LPP: variants seen among roughly 807,000 people sequenced by gnomAD.
LPP encodes the protein lipoma-preferred partner.
A neutral mutation model predicts 60.4 loss-of-function variants in LPP; 38 were observed. The ratio of observed to expected loss-of-function variants is 0.63; its 90% confidence interval spans 0.49 to 0.83. The LOEUF (loss-of-function observed/expected upper bound fraction) is 0.83, where lower values mean the gene tolerates loss of function less well. Ranked by LOEUF, LPP falls within the 40% of genes least tolerant of loss-of-function variation. The pLI is 0.00. For synonymous variants in LPP, 328 were observed against 290.8 expected (o/e 1.13, Z -1.30); for missense variants, 902 against 783.6 (o/e 1.15, Z -1.80).
Position 188,828,614 on chromosome 3 carries a change from C to CAAAAAAAA in LPP, c.1411-37567_1411-37560dup, listed in dbSNP as rs71169022. Among the ~76,000 whole-genome samples, 177 of 31,334 alleles carry CAAAAAAAA rather than the reference C, an allele frequency of 5.6e-3. 42 individuals are homozygous for CAAAAAAAA. The highest frequency in any genetic ancestry group is 0.022 in the South Asian group (9 of 402). 20.6% of individuals were successfully genotyped at this position (31,334 alleles called of 152,430 possible). A position where few individuals can be genotyped will look rare whatever the true frequency, so the allele number is the denominator to read the frequency against. On this transcript the variant is annotated intron_variant, in intron 9 of 11. Transcript: ENST00000617246. Reference sequence around the variant, plus strand: ...TGGCAACAAGAGCGAAACTCTGTCTCAAAAAAAAAAAAAAAAAAAAAAAAA... The same window carrying CAAAAAAAA: ...TGGCAACAAGAGCGAAACTCTGTCTCAAAAAAAAAAAAAAAAAAAAAAAAAAAAAAAAA...
chr3:188,753,981 A>C, intron 8 of LPP, among the ~76,000 whole-genome samples: 1 of 152,344 alleles, frequency 6.6e-6, no homozygotes, highest in Non-Finnish European at 1.5e-5. Flanking sequence ...GTATTCACAG[A>C]GCTAAATGGC....
intron 4 of LPP, among the ~76,000 whole-genome samples, chr3:188,450,417 A>G (rs548286539): frequency 6.6e-6 from 1 of 152,294 alleles, no homozygotes; most frequent in African/African-American, 2.4e-5. Flanking sequence ...ATGTTAATTC[A>G]CATTTATCTA....
At chr3:188,424,439 CT>C (rs199986712) in intron 4 of LPP, among the ~76,000 whole-genome samples, 1 of 151,764 alleles carries the variant, frequency 6.6e-6, no homozygotes, top group African/African-American at 2.4e-5. Context: ...TCTATATGGG[CT>C]TTTTTTTGGT....
chr3:188,227,552 G>GA (rs1217979753), intron 2 of LPP, among the ~76,000 whole-genome samples: 2 of 152,064 alleles, frequency 1.3e-5, no homozygotes, highest in African/African-American at 4.8e-5. Flanking sequence ...ATGGCATCTA[G>GA]AACAAAGTGA....
intron 7 of LPP, among the ~76,000 whole-genome samples, chr3:188,638,133 G>A (rs573452640): frequency 0.024 from 3,212 of 134,596 alleles, 85 homozygotes; most frequent in Middle Eastern, 0.072. Flanking sequence ...CTGGCAAAAC[G>A]AATCCAGCAG....
At chr3:188,252,613 C>T (rs1483874624) in intron 2 of LPP, among the ~76,000 whole-genome samples, 1 of 151,984 alleles carries the variant, frequency 6.6e-6, no homozygotes, top group African/African-American at 2.4e-5. Flanking sequence ...TGAATTGTTG[C>T]CAATTTGATG....
At position 188,188,102 on chromosome 3, in the gene LPP, C is replaced by T. The variant is rs558943818; in HGVS notation, c.-190+33850C>T. On this transcript the variant is annotated intron_variant, in intron 1 of 11. Transcript: ENST00000617246. ...CTTTTGAACATTTTTATGCATAAAG[C>T]CTTTTCATTAAATTATTTTATATGA... 3.9e-5 allele frequency among the ~76,000 whole-genome samples: 6 copies of T among 152,224 alleles called. No homozygotes were observed. The South Asian group carries it at 6.2e-4, about 16-fold the overall frequency.
chr3:188,176,810 C>A (rs988274076), intron 1 of LPP, among the ~76,000 whole-genome samples: 1 of 152,134 alleles, frequency 6.6e-6, no homozygotes, highest in Admixed American at 6.5e-5. Flanking sequence ...TGGTCTGCAC[C>A]CTCTCATGCA....
intron 1 of LPP, among the ~76,000 whole-genome samples, chr3:188,204,982 A>C (rs527737656): frequency 1.2e-4 from 19 of 152,298 alleles, no homozygotes; most frequent in Admixed American, 1.2e-3. Flanking sequence ...GAACATGTTG[A>C]TAAGTGCCAG....
At chr3:188,196,254 C>T (rs1453376860) in intron 1 of LPP, among the ~76,000 whole-genome samples, 3 of 152,176 alleles carry the variant, frequency 2.0e-5, no homozygotes, top group African/African-American at 7.2e-5. Flanking sequence ...GTTTGGAACT[C>T]CTGAACTTCA....
intron 8 of LPP, 31 bp from the exon 9 acceptor site, chr3:188,760,082 G>A (rs1731678034): frequency 6.2e-7 from 1 of 1,610,252 alleles, no homozygotes; most frequent in Admixed American, 1.7e-5. Flanking sequence ...GTACTCCTTG[G>A]TGTGTTCTTA....
chr3:188,314,484 C>G (rs1754449991), intron 2 of LPP, among the ~76,000 whole-genome samples: 1 of 151,874 alleles, frequency 6.6e-6, no homozygotes, highest in African/African-American at 2.4e-5. Context: ...AAATAATTAT[C>G]AACTTGTTCA....
intron 2 of LPP, among the ~76,000 whole-genome samples, chr3:188,231,626 A>G (rs1188701360): frequency 6.6e-6 from 1 of 150,670 alleles, no homozygotes; most frequent in Non-Finnish European, 1.5e-5. Flanking sequence ...AAGGGCACAT[A>G]CTCTTCCAGG....
At position 188,721,822 on chromosome 3, in the gene LPP, C is replaced by T. The variant is rs571773476; in HGVS notation, c.1240+13429C>T. On this transcript the variant is annotated intron_variant, in intron 8 of 11. Transcript: ENST00000617246. ...ATCCAGCACTGAGAGGCATTGCCGG[C>T]CTGATACTGTCCCACTGACTCACTG... Among the ~76,000 whole-genome samples the T allele has an allele frequency of 4.6e-5, 7 of 152,272 alleles. No homozygotes were observed. In the East Asian group the frequency reaches 1.2e-3, roughly 25 times the overall value.
chr3:188,350,116 A>G (rs1315312840), intron 3 of LPP, among the ~76,000 whole-genome samples: 1 of 152,204 alleles, frequency 6.6e-6, no homozygotes, highest in African/African-American at 2.4e-5. Context: ...AGTGTCCACG[A>G]ACTGTGGCTC....
chr3:188,495,084 T>TATATATA lies in LPP; in HGVS notation c.306+10380_306+10381insATATATA. Among the ~76,000 whole-genome samples, 3 of 15,506 alleles carry TATATATA rather than the reference T, an allele frequency of 1.9e-4. No homozygotes were observed. The Admixed American group carries it at 3.6e-3, about 18-fold the overall frequency. The allele number at this position is 15,506 out of a possible 152,430, so 10.2% of individuals were successfully genotyped here. ...GGATTTTATATATATATATATATAT[T>TATATATA]TTATTTATATTTTATTATATATTTT... On this transcript the variant is annotated intron_variant, in intron 5 of 11. Transcript: ENST00000617246.
At position 188,679,044 on chromosome 3, in the gene LPP, G is replaced by A. The variant is rs543906118; in HGVS notation, c.1114-29223G>A. Among the ~76,000 whole-genome samples, 7 of 152,300 alleles carry A rather than the reference G, an allele frequency of 4.6e-5. No individual in the cohort carries two copies. The South Asian group carries it at 1.5e-3, about 32-fold the overall frequency. ...AATAGAAATGTTAACATGTGCTCTGGGGTATCTTCAGAGGTATTGGGAGAG... is the reference window on the plus strand; with the variant it reads ...AATAGAAATGTTAACATGTGCTCTGAGGTATCTTCAGAGGTATTGGGAGAG... On this transcript the variant is annotated intron_variant, in intron 7 of 11. Coordinates refer to ENST00000617246, the MANE Select transcript of LPP (RefSeq NM_001375462.1).
intron 9 of LPP, among the ~76,000 whole-genome samples, chr3:188,840,575 T>C (rs1759697697): frequency 6.6e-6 from 1 of 152,196 alleles, no homozygotes; most frequent in Non-Finnish European, 1.5e-5. Context: ...CATGGATCAC[T>C]GCAGCCTTAA....
chr3:188,411,451 C>T (rs1290155290), intron 4 of LPP, among the ~76,000 whole-genome samples: 1 of 152,096 alleles, frequency 6.6e-6, no homozygotes, highest in Non-Finnish European at 1.5e-5. Context: ...ATGAAAAAGA[C>T]ACCTGTGCAC....
Sources: gnomAD v4.1 joint callset for allele counts (sites outside exome capture counted in the v4.1 genomes callset) on GRCh38, gnomAD v4.1.1 for gene constraint, MANE v1.5 for transcripts, NCBI Gene and HGNC (gene_info 2026-07-23, HGNC 2026-07-21) for gene names.